Variants in EFNA5 observed in about 807,000 individuals in gnomAD.
EFNA5 encodes ephrin-A5.
A neutral mutation model predicts 22.9 loss-of-function variants in EFNA5; 5 were observed. The observed-to-expected ratio is 0.22, with a 90% CI of 0.11 to 0.46. EFNA5 has a LOEUF of 0.46. Ranked by LOEUF, EFNA5 falls within the 20% of genes least tolerant of loss-of-function variation. EFNA5 has a pLI of 0.99. For synonymous variants in EFNA5, 113 were observed against 112.2 expected, an observed-to-expected ratio of 1.01 and a Z score of -0.04; for missense variants, 237 against 293.3, an observed-to-expected ratio of 0.81 and a Z score of 1.40.
At chr5:107,449,828 C>T (rs1388544966) in intron 1 of EFNA5, among the ~76,000 whole-genome samples, 1 of 152,172 alleles carries the variant, frequency 6.6e-6, no homozygotes, top group African/African-American at 2.4e-5. Context: ...AACTTTTCCT[C>T]TTCCAAAGTC....
intron 1 of EFNA5, among the ~76,000 whole-genome samples, chr5:107,630,150 C>T (rs1159556389): frequency 6.6e-6 from 1 of 151,960 alleles, no homozygotes; most frequent in Non-Finnish European, 1.5e-5. Context: ...TATGTGTGAC[C>T]CAAGACAATT....
intron 1 of EFNA5, among the ~76,000 whole-genome samples, chr5:107,487,839 G>A (rs762334984): frequency 2.0e-5 from 3 of 152,130 alleles, no homozygotes; most frequent in Non-Finnish European, 2.9e-5. Flanking sequence ...TGTATAACAG[G>A]TGCCAACAAA....
At chr5:107,511,507 G>A (rs1041390350) in intron 1 of EFNA5, among the ~76,000 whole-genome samples, 3 of 152,176 alleles carry the variant, frequency 2.0e-5, no homozygotes, top group Admixed American at 6.5e-5. Flanking sequence ...AATAAACTCA[G>A]TATTTTAATA....
intron 1 of EFNA5, among the ~76,000 whole-genome samples, chr5:107,664,973 G>A (rs1177324360): frequency 2.6e-5 from 4 of 152,098 alleles, no homozygotes; most frequent in Non-Finnish European, 5.9e-5. Context: ...AGGTTGAGTG[G>A]TATCTTATAA....
At chr5:107,612,218 G>C (rs1749831287) in intron 1 of EFNA5, among the ~76,000 whole-genome samples, 1 of 152,040 alleles carries the variant, frequency 6.6e-6, no homozygotes. Flanking sequence ...TGTTTCTTGG[G>C]AGGCAAATTT....
intron 1 of EFNA5, among the ~76,000 whole-genome samples, chr5:107,645,817 T>C (rs915336548): frequency 1.3e-5 from 2 of 152,254 alleles, no homozygotes; most frequent in Admixed American, 6.5e-5. Flanking sequence ...TAGCTATTAT[T>C]GTTTTCTCCA....
intron 2 of EFNA5, among the ~76,000 whole-genome samples, chr5:107,414,301 C>T (rs1434493501): frequency 1.3e-5 from 2 of 152,170 alleles, no homozygotes; most frequent in African/African-American, 4.8e-5. Flanking sequence ...TATGTTACTA[C>T]ATCTTTAACT....
At chr5:107,631,468 G>A (rs1750249942) in intron 1 of EFNA5, among the ~76,000 whole-genome samples, 2 of 151,612 alleles carry the variant, frequency 1.3e-5, no homozygotes, top group Non-Finnish European at 1.5e-5. Context: ...AACTAAAAGA[G>A]TATCCTTGTA....
At chr5:107,461,446 C>G (rs1749832133) in intron 1 of EFNA5, among the ~76,000 whole-genome samples, 1 of 152,008 alleles carries the variant, frequency 6.6e-6, no homozygotes, top group African/African-American at 2.4e-5. Flanking sequence ...AGCCGATATA[C>G]CCCTAAAGAG....
intron 1 of EFNA5, among the ~76,000 whole-genome samples, chr5:107,512,831 A>C (rs867012879): frequency 6.6e-5 from 10 of 152,168 alleles, no homozygotes; most frequent in South Asian, 2.1e-4. Flanking sequence ...TTACCAAGAA[A>C]ACGTAATAAA....
At chr5:107,405,602 G>A (rs578012135) in intron 2 of EFNA5, among the ~76,000 whole-genome samples, 8 of 152,082 alleles carry the variant, frequency 5.3e-5, no homozygotes, top group South Asian at 2.1e-4. Context: ...TTAACAGACC[G>A]AATTCACAGA....
chr5:107,599,018 T>C (rs1749533079), intron 1 of EFNA5, among the ~76,000 whole-genome samples: 1 of 152,126 alleles, frequency 6.6e-6, no homozygotes, highest in Non-Finnish European at 1.5e-5. Context: ...GCTTCCCTAG[T>C]CAGGAAGTCA....
At chr5:107,583,351 GA>G (rs1329292058) in intron 1 of EFNA5, among the ~76,000 whole-genome samples, 1 of 152,078 alleles carries the variant, frequency 6.6e-6, no homozygotes, top group African/African-American at 2.4e-5. Context: ...GAAGTACCTG[GA>G]AAAAGAAAAT....
intron 1 of EFNA5, among the ~76,000 whole-genome samples, chr5:107,515,804 G>A (rs765547892): frequency 2.0e-5 from 3 of 152,106 alleles, no homozygotes; most frequent in Admixed American, 1.3e-4. Flanking sequence ...TCATGCTCAC[G>A]CCCCAAAGGC....
At chr5:107,669,387 G>A (rs754621926) in intron 1 of EFNA5, among the ~76,000 whole-genome samples, 19 of 151,682 alleles carry the variant, frequency 1.3e-4, no homozygotes, top group Non-Finnish European at 2.4e-4. Context: ...CACCGAGACC[G>A]GCACACAGCT....
intron 1 of EFNA5, among the ~76,000 whole-genome samples, chr5:107,473,837 T>A (rs980635117): frequency 1.3e-5 from 2 of 152,066 alleles, no homozygotes; most frequent in Non-Finnish European, 2.9e-5. Flanking sequence ...ATTTTTGCAT[T>A]TTTAGTAGAG....
chr5:107,403,581 G>A (rs1336430577), intron 2 of EFNA5, among the ~76,000 whole-genome samples: 2 of 152,112 alleles, frequency 1.3e-5, no homozygotes, highest in African/African-American at 4.8e-5. Context: ...TAATAAAATA[G>A]TTATTTGTCT....
intron 1 of EFNA5, among the ~76,000 whole-genome samples, chr5:107,450,229 G>T (rs1269351849): frequency 6.6e-6 from 1 of 152,088 alleles, no homozygotes; most frequent in Non-Finnish European, 1.5e-5. Context: ...AAACAAAATG[G>T]CTTTTTAAGC....
chr5:107,614,037 G>C (rs185451589), intron 1 of EFNA5, among the ~76,000 whole-genome samples: 1 of 152,216 alleles, frequency 6.6e-6, no homozygotes, highest in African/African-American at 2.4e-5. Context: ...AGTCGTCCTA[G>C]AACCTGTTCC....
Sources: gnomAD v4.1 joint callset for allele counts (sites outside exome capture counted in the v4.1 genomes callset) on GRCh38, gnomAD v4.1.1 for gene constraint, MANE v1.5 for transcripts, NCBI Gene and HGNC (gene_info 2026-07-23, HGNC 2026-07-21) for gene names.